SNX2: variants seen among roughly 807,000 people sequenced by gnomAD.
The protein encoded by SNX2 is sorting nexin-2.
Under a neutral mutation model 69.9 loss-of-function variants are expected in SNX2, and 25 were observed. The ratio of observed to expected loss-of-function variants is 0.36; its 90% confidence interval spans 0.26 to 0.50. The LOEUF (loss-of-function observed/expected upper bound fraction) is 0.50. Among genes scored for constraint, SNX2 ranks in the 20% least tolerant of loss-of-function variants. The pLI is 0.97. For missense variants in SNX2, 551 were observed against 613.3 expected, an observed-to-expected ratio of 0.90 and a Z score of 1.07; for synonymous variants, 229 against 200.4, an observed-to-expected ratio of 1.14 and a Z score of -1.20.
In SNX2 at chr5:122,788,869, A is replaced by G. The variant is rs116044401; in HGVS notation, c.109-6397A>G. On this transcript the variant is annotated intron_variant, in intron 1 of 14. Coordinates refer to ENST00000379516, the MANE Select transcript of SNX2 (RefSeq NM_003100.4). ...ATACAACATAGTTAGAAATGCTTTT[A>G]AAAGTTTTAAAAAATAATGCATTCA... is the stretch of plus-strand genomic sequence containing the variant. Among the ~76,000 whole-genome samples, 1,111 of 152,260 alleles carry G rather than the reference A, an allele frequency of 7.3e-3. 14 individuals carry two copies. The highest frequency in any genetic ancestry group is 0.025 in the African/African-American group (1,031 of 41,538).
chr5:122,789,497 A>G (rs1237439554), intron 1 of SNX2, among the ~76,000 whole-genome samples: 3 of 140,124 alleles, frequency 2.1e-5, no homozygotes, highest in Non-Finnish European at 4.7e-5. Context: ...ACACACACAC[A>G]CACACACTCT....
chr5:122,796,764 A>G (rs188253927), intron 2 of SNX2, among the ~76,000 whole-genome samples: 45 of 152,200 alleles, frequency 3.0e-4, no homozygotes, highest in Middle Eastern at 3.4e-3. Context: ...TCAGATTTCT[A>G]TGTAGATGAG....
rs577977227 is a variant in SNX2, at chr5:122,805,090, G to A, written c.643+1477G>A. On this transcript the variant is annotated intron_variant, in intron 6 of 14. Coordinates refer to ENST00000379516, the MANE Select transcript of SNX2 (RefSeq NM_003100.4). ...GCGGATCACCTGAGGTCAGGAGTTC[G>A]AGACCAGCCTGGCCAACACGGTGAA... Among the ~76,000 whole-genome samples the A allele has an allele frequency of 4.1e-3, 619 of 151,908 alleles. 4 individuals carry two copies. The highest frequency in any genetic ancestry group is 0.014 in the African/African-American group (592 of 41,450).
chr5:122,775,944 T>C (rs1385578882), intron 1 of SNX2, among the ~76,000 whole-genome samples: 2 of 152,178 alleles, frequency 1.3e-5, no homozygotes, highest in African/African-American at 2.4e-5. Context: ...TCCTCTTTTC[T>C]CGCTTGATCA....
chr5:122,806,478 C>T (rs1370581404), intron 6 of SNX2, among the ~76,000 whole-genome samples: 1 of 152,126 alleles, frequency 6.6e-6, no homozygotes, highest in African/African-American at 2.4e-5. Context: ...TCTTCATTAG[C>T]ACGTAACTCT....
At chr5:122,789,492 C>CGG (rs1753177426) in intron 1 of SNX2, among the ~76,000 whole-genome samples, 2 of 151,402 alleles carry the variant, frequency 1.3e-5, no homozygotes, top group African/African-American at 2.4e-5. Context: ...CACACACACA[C>CGG]ACACACACAC....
intron 1 of SNX2, among the ~76,000 whole-genome samples, chr5:122,793,388 G>T (rs1171400085): frequency 1.3e-5 from 2 of 152,088 alleles, no homozygotes; most frequent in Non-Finnish European, 1.5e-5. Flanking sequence ...GTACCATATG[G>T]CTCTATTTTA....
At position 122,826,057 on chromosome 5, in the gene SNX2, T is replaced by C; in HGVS notation, c.1220T>C (p.Phe407Ser). 1 of 1,613,012 alleles carries C rather than the reference T, an allele frequency of 6.2e-7. No homozygotes were observed. Among genetic ancestry groups the C allele is most frequent in the Non-Finnish European group, 8.5e-7 (1 of 1,179,266 alleles). ...IRLIAAVKGV[F>S]DHRMKCWQKW... ...TATGTCATTCACTTATAGGGTGTGT[T>C]TGACCATCGAATGAAGTGCTGGCAG... Residue 407 changes from phenylalanine to serine, a missense_variant, in exon 12 of 15, where the codon TTT becomes TCT. Physicochemically the swap from Phe to Ser is radical, Grantham distance 155. Coordinates refer to ENST00000379516, the MANE Select transcript of SNX2 (RefSeq NM_003100.4).
intron 1 of SNX2, among the ~76,000 whole-genome samples, chr5:122,776,624 A>G (rs567448591): frequency 1.3e-5 from 2 of 152,200 alleles, no homozygotes; most frequent in African/African-American, 2.4e-5. Context: ...TCTACTTACT[A>G]TACAGCTACT....
intron 11 of SNX2, among the ~76,000 whole-genome samples, chr5:122,823,245 G>A (rs559882528): frequency 2.0e-5 from 3 of 152,248 alleles, no homozygotes; most frequent in East Asian, 3.9e-4. Context: ...ATTTAATATA[G>A]CATTGTTAGA....
chr5:122,805,979 A>C (rs927873575), intron 6 of SNX2, among the ~76,000 whole-genome samples: 10 of 151,634 alleles, frequency 6.6e-5, no homozygotes, highest in Non-Finnish European at 1.3e-4. Context: ...ATGGGGTTTC[A>C]CCATGTTAGC....
At chr5:122,821,942 G>T (rs1221849893) in intron 11 of SNX2, among the ~76,000 whole-genome samples, 1 of 152,086 alleles carries the variant, frequency 6.6e-6, no homozygotes, top group Admixed American at 6.6e-5. Context: ...CCAAATTACT[G>T]TTCAAAAAGA....
At chr5:122,792,189 T>G (rs1050371866) in intron 1 of SNX2, among the ~76,000 whole-genome samples, 5 of 152,256 alleles carry the variant, frequency 3.3e-5, no homozygotes, top group African/African-American at 1.2e-4. Flanking sequence ...TTGAAACTAC[T>G]TTTGAATGTT....
At chr5:122,803,431 C>A (rs1260198482) in intron 5 of SNX2, 41 bp from the exon 6 acceptor site, 1 of 1,565,060 alleles carries the variant, frequency 6.4e-7, no homozygotes, top group South Asian at 1.2e-5. Context: ...GGAATAATTG[C>A]TTGCTATTCA....
chr5:122,826,937 A>G (rs1051751605), intron 12 of SNX2, among the ~76,000 whole-genome samples: 3 of 152,172 alleles, frequency 2.0e-5, no homozygotes, highest in African/African-American at 7.2e-5. Context: ...CTAATTTAAA[A>G]TATTTCCATC....
chr5:122,797,146 T>G (rs556030739), intron 2 of SNX2, among the ~76,000 whole-genome samples: 1 of 152,320 alleles, frequency 6.6e-6, no homozygotes, highest in Admixed American at 6.5e-5. Context: ...CAGGCTGGTC[T>G]TGAACTCCTG....
At position 122,795,223 on chromosome 5, in the gene SNX2, T is replaced by G. The variant is rs115333906; in HGVS notation, c.109-43T>G. On this transcript the variant is annotated intron_variant, in intron 1 of 14. Transcript: ENST00000379516. ...TACATGGTGACAGAATTACAACAGG[T>G]AAACATGCCAATCCATTACCTATTA... 1.6e-3 allele frequency: 2,114 copies of G among 1,281,900 alleles called. 29 individuals are homozygous for G. The African/African-American group carries it at 0.026, about 16-fold the overall frequency. 79.4% of individuals were successfully genotyped at this position (1,281,900 alleles called of 1,614,324 possible).
At chr5:122,775,566 C>T (rs1289630208) in intron 1 of SNX2, 1 of 1,006,846 alleles carries the variant, frequency 9.9e-7, no homozygotes, top group South Asian at 4.6e-5. Context: ...AGTAAACCTC[C>T]ACCGAGCTCT....
intron 1 of SNX2, among the ~76,000 whole-genome samples, chr5:122,794,385 A>G (rs1197784573): frequency 6.6e-6 from 1 of 152,208 alleles, no homozygotes; most frequent in Non-Finnish European, 1.5e-5. Flanking sequence ...GAGAGGTCAC[A>G]TTTTTAGTTT....
Sources: allele counts gnomAD v4.1 joint callset (sites outside exome capture counted in the v4.1 genomes callset), GRCh38; gene constraint gnomAD v4.1.1; transcripts MANE v1.5; gene names NCBI Gene and HGNC (gene_info 2026-07-23, HGNC 2026-07-21).